The following GALNT13 variants were observed in gnomAD, a reference collection of about 807,000 sequenced individuals.
GALNT13 encodes the protein UDP-GalNAc:polypeptide N-acetylgalactosaminyltransferase 13.
In GALNT13, 28 loss-of-function variants were observed where a neutral mutation model predicts 64.2. The ratio of observed to expected loss-of-function variants is 0.44; its 90% CI spans 0.32 to 0.60. The LOEUF is 0.60. GALNT13 is among the 20% of genes least tolerant of loss of function. GALNT13 has a pLI of 0.05. For missense variants in GALNT13, 577 were observed against 669.8 expected (o/e 0.86, Z 1.53); for synonymous variants, 214 against 224.6 (o/e 0.95, Z 0.42).
chr2:153,587,967 A>G, the GALNT13 span, among the ~76,000 whole-genome samples: 1 of 152,228 alleles, frequency 6.6e-6, no homozygotes, highest in African/African-American at 2.4e-5. Flanking sequence ...GCCAAAACAA[A>G]GGGGCTACAG....
intron 11 of GALNT13, chr2:154,437,971 A>G: frequency 5.3e-6 from 1 of 187,742 alleles, no homozygotes; most frequent in Non-Finnish European, 1.1e-5. Flanking sequence ...TCTAACAAAG[A>G]GTCCATAATC....
intron 9 of GALNT13, among the ~76,000 whole-genome samples, chr2:154,325,983 A>G (rs926477162): frequency 1.3e-5 from 2 of 152,114 alleles, no homozygotes; most frequent in African/African-American, 4.8e-5. Context: ...AGGTGATTCT[A>G]CATGCTCTAA....
the GALNT13 span, among the ~76,000 whole-genome samples, chr2:153,148,217 G>A: frequency 1.3e-5 from 2 of 151,814 alleles, no homozygotes; most frequent in Non-Finnish European, 2.9e-5. Context: ...TCCTTTGTGG[G>A]TGTTGAATGC....
chr2:154,193,793 C>T (rs1415313900), intron 4 of GALNT13, among the ~76,000 whole-genome samples: 1 of 152,186 alleles, frequency 6.6e-6, no homozygotes, highest in Non-Finnish European at 1.5e-5. Context: ...CCACCTCTGA[C>T]TATCTATACT....
the GALNT13 span, among the ~76,000 whole-genome samples, chr2:153,462,069 C>G: frequency 6.6e-6 from 1 of 151,954 alleles, no homozygotes; most frequent in Non-Finnish European, 1.5e-5. Context: ...GTTGCGCATC[C>G]CATAGGGAGC....
intron 3 of GALNT13, among the ~76,000 whole-genome samples, chr2:154,134,713 T>C (rs1682847840): frequency 2.0e-5 from 3 of 152,328 alleles, no homozygotes; most frequent in East Asian, 3.9e-4. Flanking sequence ...ATGTACAGGC[T>C]GCGCATGGTG....
intron 3 of GALNT13, among the ~76,000 whole-genome samples, chr2:154,084,807 A>G (rs1265331031): frequency 6.6e-6 from 1 of 151,898 alleles, no homozygotes; most frequent in Non-Finnish European, 1.5e-5. Flanking sequence ...ATTGTATTTG[A>G]AATTGTTTAA....
the GALNT13 span, among the ~76,000 whole-genome samples, chr2:153,519,651 AAGAT>A: frequency 6.6e-6 from 1 of 152,170 alleles, no homozygotes; most frequent in Non-Finnish European, 1.5e-5. Flanking sequence ...TTTGCTATAA[AAGAT>A]AGAGCAATAG....
the GALNT13 span, among the ~76,000 whole-genome samples, chr2:153,367,381 A>G: frequency 6.6e-6 from 1 of 152,212 alleles, no homozygotes; most frequent in Non-Finnish European, 1.5e-5. Context: ...AAATGTTTTA[A>G]GCAGCATAAT....
At chr2:153,983,764 G>T (rs1694620220) in intron 3 of GALNT13, among the ~76,000 whole-genome samples, 1 of 151,916 alleles carries the variant, frequency 6.6e-6, no homozygotes, top group South Asian at 2.1e-4. Context: ...TTAACATGTG[G>T]CAGTGTGTAT....
At chr2:153,131,468 G>C in the GALNT13 span, among the ~76,000 whole-genome samples, 2 of 151,732 alleles carry the variant, frequency 1.3e-5, no homozygotes, top group Non-Finnish European at 2.9e-5. Context: ...ACATCTAGAA[G>C]AGTGACCTGA....
At chr2:153,544,217 G>A in the GALNT13 span, among the ~76,000 whole-genome samples, 1 of 152,180 alleles carries the variant, frequency 6.6e-6, no homozygotes, top group Non-Finnish European at 1.5e-5. Context: ...AATAAACACT[G>A]AATATACGGT....
At chr2:154,000,361 T>A (rs531159798) in intron 3 of GALNT13, among the ~76,000 whole-genome samples, 1 of 152,170 alleles carries the variant, frequency 6.6e-6, no homozygotes, top group East Asian at 1.9e-4. Context: ...TTGGGCGTAC[T>A]TTGTTCTTTT....
rs949424565 is a variant in GALNT13, at chr2:154,267,634, C to T, written c.975+8496C>T. On this transcript the variant is annotated intron_variant, in intron 8 of 12. Transcript: ENST00000392825. ...CAGCCTGAGCAACAAAGTGAGACTT[C>T]GTCTCAAAAACAAACAAACAAACAA... Among the ~76,000 whole-genome samples the T allele has an allele frequency of 3.1e-4, 47 of 151,900 alleles. 1 individual carries two copies. Among genetic ancestry groups the T allele is most frequent in the South Asian group, 2.1e-4 (1 of 4,826 alleles).
chr2:153,854,805 G>A, the GALNT13 span, among the ~76,000 whole-genome samples: 23 of 151,964 alleles, frequency 1.5e-4, no homozygotes, highest in African/African-American at 4.8e-4. Context: ...AAACTAACAC[G>A]CTGCCTCTAA....
At chr2:153,540,700 A>G in the GALNT13 span, among the ~76,000 whole-genome samples, 3 of 152,228 alleles carry the variant, frequency 2.0e-5, no homozygotes, top group Non-Finnish European at 2.9e-5. Flanking sequence ...TGGATGTGAG[A>G]CATGGAATCA....
chr2:153,767,600 A>G, the GALNT13 span, among the ~76,000 whole-genome samples: 38 of 152,258 alleles, frequency 2.5e-4, no homozygotes, highest in Non-Finnish European at 3.5e-4. Flanking sequence ...CTCCACATCC[A>G]TAACAACATA....
chr2:153,492,960 A>G, the GALNT13 span, among the ~76,000 whole-genome samples: 2 of 152,178 alleles, frequency 1.3e-5, no homozygotes, highest in African/African-American at 2.4e-5. Flanking sequence ...CAAACGGAAA[A>G]AAAGAAAATT....
chr2:154,182,886 T>G (rs1274049337), intron 4 of GALNT13, among the ~76,000 whole-genome samples: 1 of 152,044 alleles, frequency 6.6e-6, no homozygotes, highest in Non-Finnish European at 1.5e-5. Flanking sequence ...TCCCACTTGA[T>G]CATTGTGTAT....
Sources: allele counts gnomAD v4.1 joint callset (sites outside exome capture counted in the v4.1 genomes callset), GRCh38; gene constraint gnomAD v4.1.1; transcripts MANE v1.5; gene names NCBI Gene and HGNC (gene_info 2026-07-23, HGNC 2026-07-21).